Variants in IL1RAPL1 observed in about 807,000 individuals in gnomAD.
IL1RAPL1 encodes the protein interleukin-1 receptor accessory protein-like 1.
In IL1RAPL1, 3 loss-of-function variants were observed where a neutral mutation model predicts 48.4. The observed-to-expected ratio is 0.06, with a 90% CI of 0.03 to 0.16. The LOEUF (loss-of-function observed/expected upper bound fraction) is 0.16, where lower values mean the gene tolerates loss of function less well. Among genes scored for constraint, IL1RAPL1 ranks in the 10% least tolerant of loss-of-function variants. The pLI is 1.00. For missense variants in IL1RAPL1, 349 were observed against 530.6 expected (o/e 0.66, Z 3.36); for synonymous variants, 185 against 187.7 (o/e 0.99, Z 0.12).
rs137911046 is a variant in IL1RAPL1, at chrX:29,458,908, G to A, written c.703+59600G>A. ...ATTGTAAATGTTTTCAGTTTTATGG[G>A]TCATGTGGTTTCTGTCACAACTATT... On this transcript the variant is annotated intron_variant, in intron 5 of 10. Transcript: ENST00000378993. Among the ~76,000 whole-genome samples, 836 of 111,464 alleles carry A rather than the reference G, an allele frequency of 7.5e-3. 3 individuals carry two copies. Among genetic ancestry groups the A allele is most frequent in the African/African-American group, 0.026 (794 of 30,648 alleles).
At chrX:29,076,185 T>A (rs1423630367) in intron 2 of IL1RAPL1, among the ~76,000 whole-genome samples, 1 of 112,195 alleles carries the variant, frequency 8.9e-6, no homozygotes, top group African/African-American at 3.2e-5. Flanking sequence ...TCTTTCATAC[T>A]CATTGTTTCT....
intron 6 of IL1RAPL1, among the ~76,000 whole-genome samples, chrX:29,909,812 G>A (rs1254584674): frequency 8.9e-6 from 1 of 112,077 alleles, no homozygotes; most frequent in African/African-American, 3.2e-5. Context: ...ATATACTGCT[G>A]GTGGGAATGT....
intron 6 of IL1RAPL1, among the ~76,000 whole-genome samples, chrX:29,884,751 C>A (rs972708815): frequency 4.5e-5 from 5 of 111,813 alleles, no homozygotes; most frequent in African/African-American, 1.6e-4. Flanking sequence ...CCACCCACAG[C>A]CTTCTCTGTC....
intron 5 of IL1RAPL1, among the ~76,000 whole-genome samples, chrX:29,421,417 C>G (rs1706401632): frequency 9.0e-6 from 1 of 110,725 alleles, no homozygotes; most frequent in African/African-American, 3.3e-5. Flanking sequence ...CATACCCCCA[C>G]CCCTGTTCTC....
intron 9 of IL1RAPL1, among the ~76,000 whole-genome samples, chrX:29,943,205 G>C (rs1297772128): frequency 3.6e-5 from 4 of 111,648 alleles, no homozygotes; most frequent in African/African-American, 9.8e-5. Flanking sequence ...TTGCCTATTT[G>C]TTTCTAACTT....
intron 3 of IL1RAPL1, among the ~76,000 whole-genome samples, chrX:29,334,564 C>T (rs1317679403): frequency 9.3e-6 from 1 of 107,678 alleles, no homozygotes; most frequent in Non-Finnish European, 1.9e-5. Flanking sequence ...TCAGACGGGG[C>T]GGTTGCCAGG....
intron 2 of IL1RAPL1, among the ~76,000 whole-genome samples, chrX:29,047,374 G>A (rs1405697119): frequency 8.9e-6 from 1 of 111,985 alleles, no homozygotes; most frequent in Non-Finnish European, 1.9e-5. Context: ...ATTCACTGAT[G>A]TGTCTTGTAC....
At chrX:29,254,098 T>A (rs1404322769) in intron 2 of IL1RAPL1, among the ~76,000 whole-genome samples, 1 of 111,203 alleles carries the variant, frequency 9.0e-6, no homozygotes, top group Non-Finnish European at 1.9e-5. Flanking sequence ...GAGAGCTAGA[T>A]CTATGTGTAT....
At chrX:29,003,340 G>GA (rs1334159362) in intron 2 of IL1RAPL1, among the ~76,000 whole-genome samples, 1 of 111,732 alleles carries the variant, frequency 8.9e-6, no homozygotes, top group Non-Finnish European at 1.9e-5. Flanking sequence ...TTAATGAGGG[G>GA]AGGGACATCA....
chrX:29,678,456 G>A (rs988146929), intron 6 of IL1RAPL1, among the ~76,000 whole-genome samples: 3 of 94,222 alleles, frequency 3.2e-5, no homozygotes, highest in Non-Finnish European at 6.1e-5. Context: ...CCGGGTTCAC[G>A]CCATTCTCCT....
intron 6 of IL1RAPL1, among the ~76,000 whole-genome samples, chrX:29,757,776 C>A (rs186377331): frequency 3.1e-4 from 35 of 111,923 alleles, no homozygotes; most frequent in African/African-American, 9.1e-4. Context: ...ATACTAACAA[C>A]TCATATCAAA....
intron 5 of IL1RAPL1, among the ~76,000 whole-genome samples, chrX:29,486,546 TTGG>T (rs1935097176): frequency 9.9e-6 from 1 of 100,743 alleles, no homozygotes; most frequent in African/African-American, 3.8e-5. Flanking sequence ...TCTATTCCCA[TTGG>T]ACTATTGTTG....
intron 1 of IL1RAPL1, among the ~76,000 whole-genome samples, chrX:28,786,928 G>A (rs1261724040): frequency 8.9e-6 from 1 of 111,950 alleles, no homozygotes; most frequent in Admixed American, 9.5e-5. Context: ...GATGTCTATG[G>A]CTAGATACAT....
intron 5 of IL1RAPL1, among the ~76,000 whole-genome samples, chrX:29,649,222 G>C (rs1457935410): frequency 9.0e-6 from 1 of 111,506 alleles, no homozygotes; most frequent in Non-Finnish European, 1.9e-5. Context: ...AATTGGAGAG[G>C]AGGGAATACC....
intron 2 of IL1RAPL1, among the ~76,000 whole-genome samples, chrX:29,282,054 G>A (rs1350575618): frequency 9.0e-6 from 1 of 110,990 alleles, no homozygotes; most frequent in African/African-American, 3.3e-5. Context: ...CAAGAGCCTC[G>A]TTCTCATGAC....
intron 2 of IL1RAPL1, among the ~76,000 whole-genome samples, chrX:29,024,095 A>T (rs1200534221): frequency 8.9e-6 from 1 of 111,952 alleles, no homozygotes; most frequent in Non-Finnish European, 1.9e-5. Context: ...ATTATCATGC[A>T]GACAAATTAA....
intron 2 of IL1RAPL1, among the ~76,000 whole-genome samples, chrX:28,897,163 G>T (rs1431152695): frequency 1.8e-5 from 2 of 109,410 alleles, no homozygotes; most frequent in South Asian, 8.1e-4. Flanking sequence ...AGGGGTTGGG[G>T]GGGTTCTTGC....
At chrX:29,178,878 T>A (rs1346526720) in intron 2 of IL1RAPL1, among the ~76,000 whole-genome samples, 1 of 112,099 alleles carries the variant, frequency 8.9e-6, no homozygotes, top group African/African-American at 3.2e-5. Flanking sequence ...CTTGTTTTTG[T>A]CAGGTTTGTC....
At chrX:29,521,215 T>A (rs916963922) in intron 5 of IL1RAPL1, among the ~76,000 whole-genome samples, 1 of 112,293 alleles carries the variant, frequency 8.9e-6, no homozygotes, top group African/African-American at 3.2e-5. Context: ...TCAAATTAAA[T>A]TTAAAAATAT....
Sources: allele counts gnomAD v4.1 joint callset (sites outside exome capture counted in the v4.1 genomes callset), GRCh38; gene constraint gnomAD v4.1.1; transcripts MANE v1.5; gene names NCBI Gene and HGNC (gene_info 2026-07-23, HGNC 2026-07-21).